The following KCNT2 variants were observed in gnomAD, a reference collection of about 807,000 sequenced individuals.
KCNT2 encodes the protein potassium channel subfamily T member 2.
A neutral mutation model predicts 153.8 loss-of-function variants in KCNT2; 67 were observed. That is an observed-to-expected ratio of 0.44 (90% CI 0.36 to 0.53). The LOEUF (loss-of-function observed/expected upper bound fraction) is 0.53, where lower values mean the gene tolerates loss of function less well. Among genes scored for constraint, KCNT2 ranks in the 20% least tolerant of loss-of-function variants. The pLI is 0.00. For missense variants in KCNT2, 975 were observed against 1,354.8 expected (o/e 0.72, Z 4.40); for synonymous variants, 500 against 458.8 (o/e 1.09, Z -1.15).
At chr1:196,592,091 C>T (rs527824352) in intron 1 of KCNT2, among the ~76,000 whole-genome samples, 9 of 151,806 alleles carry the variant, frequency 5.9e-5, no homozygotes, top group Non-Finnish European at 1.3e-4. Flanking sequence ...ATGTTTGTTG[C>T]GGCACAAGAT....
intron 14 of KCNT2, among the ~76,000 whole-genome samples, chr1:196,365,023 T>C (rs1231649403): frequency 6.6e-6 from 1 of 152,078 alleles, no homozygotes; most frequent in Non-Finnish European, 1.5e-5. Context: ...TTTTCATCCA[T>C]TCAGAGTACT....
chr1:196,286,606 T>C (rs1411643987), intron 22 of KCNT2, among the ~76,000 whole-genome samples: 1 of 149,526 alleles, frequency 6.7e-6, no homozygotes. Flanking sequence ...TTGCAACTAA[T>C]CTTCTGTATA....
chr1:196,362,583 T>C (rs1218170541), intron 14 of KCNT2, among the ~76,000 whole-genome samples: 1 of 152,148 alleles, frequency 6.6e-6, no homozygotes, highest in Admixed American at 6.6e-5. Flanking sequence ...TTTGCTGGCC[T>C]TTCTTTTCTT....
intron 13 of KCNT2, among the ~76,000 whole-genome samples, chr1:196,374,089 T>C (rs1310386378): frequency 6.6e-6 from 1 of 151,868 alleles, no homozygotes; most frequent in Non-Finnish European, 1.5e-5. Context: ...TTAAATAGTG[T>C]TTATTTTGGA....
At chr1:196,493,031 T>A (rs912943229) in intron 1 of KCNT2, among the ~76,000 whole-genome samples, 1 of 152,160 alleles carries the variant, frequency 6.6e-6, no homozygotes, top group Non-Finnish European at 1.5e-5. Context: ...TCTAAAATAA[T>A]AGCAGTACTT....
In KCNT2 at chr1:196,409,024, T is replaced by C. The variant is rs1205619144; in HGVS notation, c.1186-10353A>G. Among the ~76,000 whole-genome samples the C allele has an allele frequency of 2.0e-5, 3 of 151,330 alleles. No individual in the cohort carries two copies. The Admixed American group carries it at 2.0e-4, about 10-fold the overall frequency. ...TTCAGTTATGCCATTTTATACTTCA[T>C]GTATATTGAGGGTTTTTTTTTATAT... On this transcript the variant is annotated intron_variant, in intron 12 of 27. Transcript: ENST00000294725.
At chr1:196,370,127 G>A (rs1221063586) in intron 14 of KCNT2, among the ~76,000 whole-genome samples, 1 of 152,110 alleles carries the variant, frequency 6.6e-6, no homozygotes, top group Non-Finnish European at 1.5e-5. Flanking sequence ...TGGTGGGACT[G>A]TAAACTAGTT....
intron 1 of KCNT2, among the ~76,000 whole-genome samples, chr1:196,503,044 T>G (rs1412052414): frequency 2.6e-5 from 4 of 152,050 alleles, no homozygotes; most frequent in Non-Finnish European, 5.9e-5. Flanking sequence ...ATAAAGCGTT[T>G]ATTCATTTTT....
intron 20 of KCNT2, among the ~76,000 whole-genome samples, chr1:196,317,960 G>A (rs1410844443): frequency 6.6e-6 from 1 of 151,242 alleles, no homozygotes; most frequent in Non-Finnish European, 1.5e-5. Context: ...TCTGCTTTAA[G>A]ATTATATTAT....
chr1:196,579,103 G>A (rs898741677), intron 1 of KCNT2, among the ~76,000 whole-genome samples: 1 of 152,000 alleles, frequency 6.6e-6, no homozygotes, highest in East Asian at 1.9e-4. Context: ...GGGTTCACTC[G>A]TGGTACTGCA....
chr1:196,305,811 T>TGGG (rs1661574479), intron 21 of KCNT2, among the ~76,000 whole-genome samples: 2 of 152,258 alleles, frequency 1.3e-5, no homozygotes, highest in South Asian at 2.1e-4. Context: ...AAATGTCAAA[T>TGGG]CTTGCTACAA....
At chr1:196,252,344 G>A (rs552620633) in intron 26 of KCNT2, among the ~76,000 whole-genome samples, 1 of 151,780 alleles carries the variant, frequency 6.6e-6, no homozygotes, top group African/African-American at 2.4e-5. Context: ...CATTGTAGAT[G>A]TAAGAGGCCA....
At chr1:196,252,541 G>C (rs1364710533) in intron 26 of KCNT2, among the ~76,000 whole-genome samples, 2 of 151,462 alleles carry the variant, frequency 1.3e-5, no homozygotes, top group African/African-American at 2.4e-5. Context: ...TTCCTTTCCT[G>C]TTATTTCAGT....
chr1:196,512,387 T>G (rs1480216817), intron 1 of KCNT2, among the ~76,000 whole-genome samples: 4 of 152,164 alleles, frequency 2.6e-5, no homozygotes, highest in Non-Finnish European at 4.4e-5. Flanking sequence ...AGCTGTCTAC[T>G]CAATATTTCT....
chr1:196,428,162 C>T lies in KCNT2; in HGVS notation c.927G>A (p.Leu309=). 6.2e-7 allele frequency: 1 copy of T among 1,612,564 alleles called. No homozygotes were observed. The highest frequency in any genetic ancestry group is 8.5e-7 in the Non-Finnish European group (1 of 1,179,004). ...AAAAATCCATAAGTAAATCAATCTT[C>T]AGTGAGCTGACACACAGGACGACAT... ...EKHVVLCVSS[L]KIDLLMDFLN... The change falls in exon 10 of 28, where the codon CTG becomes CTA. Residue 309 remains leucine, a synonymous_variant. Coordinates refer to ENST00000294725, the MANE Select transcript of KCNT2 (RefSeq NM_198503.5).
At position 196,299,850 on chromosome 1, in the gene KCNT2, A is replaced by G. The variant is rs148947377; in HGVS notation, c.2595+5384T>C. On this transcript the variant is annotated intron_variant, in intron 22 of 27. Coordinates refer to ENST00000294725, the MANE Select transcript of KCNT2 (RefSeq NM_198503.5). ...AATGGCCAAGATATGGAATTAACCTAAGTGTTCATCAATAGATGACTGGCT... is the reference window on the plus strand; with the variant it reads ...AATGGCCAAGATATGGAATTAACCTGAGTGTTCATCAATAGATGACTGGCT... Among the ~76,000 whole-genome samples, 531 of 152,310 alleles carry G rather than the reference A, an allele frequency of 3.5e-3. 9 individuals carry two copies. Among genetic ancestry groups the G allele is most frequent in the Middle Eastern group, 0.02 (6 of 294 alleles).
At chr1:196,606,736 CAA>C (rs1239579083) in intron 1 of KCNT2, among the ~76,000 whole-genome samples, 2 of 152,256 alleles carry the variant, frequency 1.3e-5, no homozygotes, top group African/African-American at 4.8e-5. Context: ...ACACTTTCTA[CAA>C]AGAGGATTTC....
intron 1 of KCNT2, among the ~76,000 whole-genome samples, chr1:196,587,600 G>A (rs1266985862): frequency 6.6e-6 from 1 of 151,828 alleles, no homozygotes; most frequent in Non-Finnish European, 1.5e-5. Context: ...TAGATATAAG[G>A]CTATAAGATT....
At chr1:196,327,406 C>T (rs566731883) in intron 18 of KCNT2, among the ~76,000 whole-genome samples, 29 of 151,752 alleles carry the variant, frequency 1.9e-4, no homozygotes, top group African/African-American at 6.3e-4. Flanking sequence ...AGTAAAATAC[C>T]CAATAATACC....
Sources: gnomAD v4.1 joint callset for allele counts (sites outside exome capture counted in the v4.1 genomes callset) on GRCh38, gnomAD v4.1.1 for gene constraint, MANE v1.5 for transcripts, NCBI Gene and HGNC (gene_info 2026-07-23, HGNC 2026-07-21) for gene names.